The following ZNF143 variants were observed in gnomAD, a reference collection of about 807,000 sequenced individuals.
The protein encoded by ZNF143 is SPH-binding factor.
Under a neutral mutation model 74.1 loss-of-function variants are expected in ZNF143, and 49 were observed. The ratio of observed to expected loss-of-function variants is 0.66; its 90% CI spans 0.53 to 0.84. The LOEUF (loss-of-function observed/expected upper bound fraction) is 0.84, where lower values mean the gene tolerates loss of function less well. Ranked by LOEUF, ZNF143 falls within the 40% of genes least tolerant of loss-of-function variation. The pLI is 0.00. For synonymous variants in ZNF143, 304 were observed against 282.8 expected, an observed-to-expected ratio of 1.07 and a Z score of -0.75; for missense variants, 637 against 793.4, an observed-to-expected ratio of 0.80 and a Z score of 2.37.
chr11:9,511,833 C>CCT (rs1311442353), intron 12 of ZNF143, among the ~76,000 whole-genome samples: 1 of 147,632 alleles, frequency 6.8e-6, no homozygotes, highest in Non-Finnish European at 1.5e-5. Flanking sequence ...CTCACTGCAA[C>CCT]CTCTGCCTCC....
intron 5 of ZNF143, among the ~76,000 whole-genome samples, chr11:9,476,330 T>G (rs1013252973): frequency 1.3e-5 from 2 of 152,122 alleles, no homozygotes; most frequent in African/African-American, 4.8e-5. Flanking sequence ...GCTCAATAAA[T>G]GTTACCTATT....
At chr11:9,469,540 T>C (rs1272235263) in intron 1 of ZNF143, among the ~76,000 whole-genome samples, 2 of 151,946 alleles carry the variant, frequency 1.3e-5, no homozygotes, top group East Asian at 1.9e-4. Flanking sequence ...CCCACAGGTC[T>C]TAACAGTAGG....
chr11:9,494,395 T>A (rs1847887486), intron 7 of ZNF143, among the ~76,000 whole-genome samples: 1 of 152,078 alleles, frequency 6.6e-6, no homozygotes, highest in African/African-American at 2.4e-5. Flanking sequence ...AGCCTTGACC[T>A]CCCCGGGCTC....
At chr11:9,525,113 A>G in intron 14 of ZNF143, 127 bp from the exon 15 acceptor site, 1 of 1,089,278 alleles carries the variant, frequency 9.2e-7, no homozygotes, top group Non-Finnish European at 1.3e-6. Context: ...ATAGGCTTTG[A>G]CAAGTCTATG....
chr11:9,469,621 C>T (rs1422776101), intron 1 of ZNF143, among the ~76,000 whole-genome samples: 1 of 152,200 alleles, frequency 6.6e-6, no homozygotes, highest in Admixed American at 6.5e-5. Context: ...TCAGCTTGTT[C>T]TATGAACAGT....
chr11:9,474,456 T>C (rs1202324587), intron 4 of ZNF143, 94 bp from the exon 5 acceptor site: 11 of 1,225,002 alleles, frequency 9.0e-6, no homozygotes, highest in African/African-American at 6.0e-5. Flanking sequence ...TAGATTGTTA[T>C]AATGTGTTAA....
At chr11:9,499,946 G>C (rs1193893153) in intron 10 of ZNF143, among the ~76,000 whole-genome samples, 1 of 152,138 alleles carries the variant, frequency 6.6e-6, no homozygotes, top group African/African-American at 2.4e-5. Context: ...TGGTAAAGCA[G>C]ATTTTTTTGT....
chr11:9,492,258 A>G (rs927222064), intron 7 of ZNF143, among the ~76,000 whole-genome samples: 2 of 151,992 alleles, frequency 1.3e-5, no homozygotes, highest in Non-Finnish European at 2.9e-5. Flanking sequence ...TCACAAGCAC[A>G]TGCCACAGCG....
At chr11:9,494,552 C>T in intron 7 of ZNF143, 94 bp from the exon 8 acceptor site, 1 of 1,279,390 alleles carries the variant, frequency 7.8e-7, no homozygotes, top group Non-Finnish European at 1.1e-6. Flanking sequence ...CTCAAATGAT[C>T]CGCCTACCTC....
chr11:9,490,547 A>G (rs1182218694), intron 7 of ZNF143, among the ~76,000 whole-genome samples: 3 of 151,904 alleles, frequency 2.0e-5, no homozygotes, highest in Non-Finnish European at 2.9e-5. Flanking sequence ...CAATCTCTCA[A>G]AAGTGCTGGG....
intron 10 of ZNF143, among the ~76,000 whole-genome samples, chr11:9,498,229 C>T (rs1848038176): frequency 6.6e-6 from 1 of 152,190 alleles, no homozygotes; most frequent in Non-Finnish European, 1.5e-5. Context: ...CCTGAAATTC[C>T]ATATGACTTG....
intron 7 of ZNF143, among the ~76,000 whole-genome samples, chr11:9,491,157 G>A (rs932859005): frequency 2.0e-5 from 3 of 152,098 alleles, no homozygotes; most frequent in Non-Finnish European, 4.4e-5. Context: ...AAGCTGAGAC[G>A]GAGGATTCCT....
rs765658768 is a variant in ZNF143 at position 9,478,393 on chromosome 11, G to C, written c.377G>C (p.Ser126Thr). Residue 126 changes from serine (S) to threonine (T), a missense_variant, in exon 6 of 16, where the codon AGT becomes ACT. This residue lies in a region of ZNF143 where 293 missense variants were observed against 307.8 expected (regional missense o/e 0.95). Coordinates refer to ENST00000396602, the MANE Select transcript of ZNF143 (RefSeq NM_003442.6). ...GCATTCTCTTCCACTCTCTCAGATA[G>C]TTATGACCAGAGTGCATTACAGGCG... ...TAFIHHTSKD[S>T]YDQSALQAVQ... The C allele has an allele frequency of 1.1e-5, 17 of 1,612,496 alleles. No homozygotes were observed. Among genetic ancestry groups the C allele is most frequent in the Non-Finnish European group, 1.4e-5 (17 of 1,178,756 alleles).
rs73406268 is a variant in ZNF143 at position 9,478,273 on chromosome 11, G to C, written c.374-117G>C. ...AAATGAAATAACACATATCAAGTGC[G>C]TGGTCCAGTACTCAGAGTAACTACT... On this transcript the variant is annotated intron_variant, in intron 5 of 15. Transcript: ENST00000396602. 1.1e-5 allele frequency: 11 copies of C among 963,700 alleles called. No individual in the cohort carries two copies. The East Asian group carries it at 2.8e-4, about 24-fold the overall frequency. 59.7% of individuals were successfully genotyped at this position (963,700 alleles called of 1,614,324 possible). A position where few individuals can be genotyped will look rare whatever the true frequency, so the allele number is the denominator to read the frequency against.
chr11:9,474,774 C>T, intron 5 of ZNF143, 141 bp downstream of exon 5: 1 of 944,892 alleles, frequency 1.1e-6, no homozygotes, highest in Admixed American at 2.6e-5. Context: ...CAGATTTAAG[C>T]ATGATTTAAG....
At chr11:9,473,867 A>G (rs771818694) in intron 3 of ZNF143, 74 bp from the exon 4 acceptor site, 3 of 1,612,546 alleles carry the variant, frequency 1.9e-6, no homozygotes, top group East Asian at 2.2e-5. Flanking sequence ...TTTATAGTTG[A>G]TATCATTTTG....
chr11:9,505,531 A>G (rs1335828535), intron 11 of ZNF143, among the ~76,000 whole-genome samples: 7 of 151,942 alleles, frequency 4.6e-5, no homozygotes, highest in Non-Finnish European at 7.4e-5. Context: ...CAGCCCTGAT[A>G]TGCAATTTTT....
In ZNF143 at chr11:9,496,347, G is replaced by A; in HGVS notation, c.810G>A (p.Glu270=). 1 of 1,614,174 alleles carries A rather than the reference G, an allele frequency of 6.2e-7. No individual in the cohort carries two copies. The highest frequency in any genetic ancestry group is 8.5e-7 in the Non-Finnish European group (1 of 1,180,038). Residue 270 remains glutamate (E), a synonymous_variant, in exon 9 of 16, where the codon GAG becomes GAA. Coordinates refer to ENST00000396602, the MANE Select transcript of ZNF143 (RefSeq NM_003442.6). ...SHTGDRPYQC[E]HAGCGKAFAT... The stretch of plus-strand genomic sequence containing the variant: ...CAGGAGATCGGCCTTATCAGTGTGA[G>A]CATGCAGGCTGTGGGAAGGCATTTG...
chr11:9,474,503 G>C, intron 4 of ZNF143, 47 bp from the exon 5 acceptor site: 2 of 1,584,820 alleles, frequency 1.3e-6, no homozygotes. Context: ...GAGTTAATTG[G>C]AATGTGCTAG....
Sources: allele counts gnomAD v4.1 joint callset (sites outside exome capture counted in the v4.1 genomes callset), GRCh38; gene constraint gnomAD v4.1.1; regional missense constraint gnomAD v4.1.1; transcripts MANE v1.5; gene names NCBI Gene and HGNC (gene_info 2026-07-23, HGNC 2026-07-21).